The following FXR1 variants were observed in gnomAD, a reference collection of about 807,000 sequenced individuals.
FXR1 encodes FMR1 autosomal homolog 1.
In FXR1, 15 loss-of-function variants were observed where a neutral mutation model predicts 84.0. The ratio of observed to expected loss-of-function variants is 0.18; its 90% confidence interval spans 0.12 to 0.27. FXR1 has a LOEUF of 0.27. FXR1 is among the 10% of genes least tolerant of loss of function. The probability of loss-of-function intolerance (pLI) is 1.00; values close to 1 mark genes in which losing one functional copy is unlikely to be tolerated. For synonymous variants in FXR1, 245 were observed against 250.7 expected (o/e 0.98, Z 0.21); for missense variants, 480 against 774.4 (o/e 0.62, Z 4.51).
chr3:180,914,702 TA>T, intron 1 of FXR1: 1 of 791,666 alleles, frequency 1.3e-6, no homozygotes, highest in Non-Finnish European at 1.5e-6. Flanking sequence ...GAAGTATTTA[TA>T]ATTGATCTCT....
At chr3:180,953,896 A>G in intron 9 of FXR1, 56 bp downstream of exon 9, 1 of 883,630 alleles carries the variant, frequency 1.1e-6, no homozygotes, top group Admixed American at 2.0e-5. Context: ...AGTTACATAT[A>G]GCGACTTAAT....
At chr3:180,939,406 C>A (rs1469875155) in intron 3 of FXR1, among the ~76,000 whole-genome samples, 1 of 152,056 alleles carries the variant, frequency 6.6e-6, no homozygotes, top group Non-Finnish European at 1.5e-5. Flanking sequence ...ATTCTTCAAT[C>A]ATACTTAGAG....
At chr3:180,951,153 A>ATT (rs1722198368) in intron 7 of FXR1, 145 bp from the exon 8 acceptor site, 1 of 578,032 alleles carries the variant, frequency 1.7e-6, no homozygotes, top group Non-Finnish European at 3.1e-6. Context: ...AGCCCAGGAG[A>ATT]TTGAGTTGGC....
At position 180,980,421 on chromosome 3, in the gene FXR1, C is replaced by T. The variant is rs1714554975; in HGVS notation, c.*4129C>T. 6.6e-6 allele frequency: 1 copy of T among 151,816 alleles called. No individual in the cohort carries two copies. The highest frequency in any genetic ancestry group is 1.5e-5 in the Non-Finnish European group (1 of 67,874). The allele number at this position is 151,816 out of a possible 1,614,324, so 9.4% of individuals were successfully genotyped here. A position where few individuals can be genotyped will look rare whatever the true frequency, so the allele number is the denominator to read the frequency against. On this transcript the variant is annotated 3_prime_UTR_variant, in exon 17 of 17. Transcript: ENST00000357559. Reference sequence around the variant, plus strand: ...GAAAGTTTTTTTACCCCTTTGTACCCTCTTAATTGGATTAACTGTAAAATG... The same window carrying T: ...GAAAGTTTTTTTACCCCTTTGTACCTTCTTAATTGGATTAACTGTAAAATG...
intron 1 of FXR1, chr3:180,927,594 CA>C: frequency 1.7e-6 from 1 of 592,606 alleles, no homozygotes; most frequent in Admixed American, 3.3e-5. Context: ...TCTGTAATTT[CA>C]AAAATATATT....
intron 8 of FXR1, among the ~76,000 whole-genome samples, chr3:180,953,505 G>A (rs1722434674): frequency 6.6e-6 from 1 of 152,122 alleles, no homozygotes; most frequent in Non-Finnish European, 1.5e-5. Context: ...AAATTTCTCA[G>A]CAGCTTAAAG....
chr3:180,967,776 ATTC>A (rs1713024413), intron 13 of FXR1, among the ~76,000 whole-genome samples: 1 of 151,990 alleles, frequency 6.6e-6, no homozygotes, highest in African/African-American at 2.4e-5. Flanking sequence ...GCAGTGAGGG[ATTC>A]TTCTGCTGGT....
At chr3:180,948,907 T>C in intron 6 of FXR1, 93 bp downstream of exon 6, 1 of 728,760 alleles carries the variant, frequency 1.4e-6, no homozygotes, top group East Asian at 2.5e-5. Flanking sequence ...TAAGATCAAC[T>C]TAGTGTATAG....
intron 3 of FXR1, among the ~76,000 whole-genome samples, chr3:180,941,255 A>G (rs777582950): frequency 6.6e-6 from 1 of 151,684 alleles, no homozygotes; most frequent in Non-Finnish European, 1.5e-5. Flanking sequence ...CAATGGTGCC[A>G]TCATGGCTCA....
intron 15 of FXR1, among the ~76,000 whole-genome samples, chr3:180,973,795 T>C (rs1713881716): frequency 6.6e-6 from 1 of 152,160 alleles, no homozygotes; most frequent in Admixed American, 6.5e-5. Flanking sequence ...TTTTAAAAGA[T>C]TTACATAATA....
chr3:180,928,429 T>C (rs1719488892), intron 1 of FXR1, among the ~76,000 whole-genome samples: 1 of 148,968 alleles, frequency 6.7e-6, no homozygotes, highest in African/African-American at 2.5e-5. Flanking sequence ...CTTATTTTAT[T>C]AGGTCCCCCC....
chr3:180,963,315 C>A (rs568484203), intron 13 of FXR1, among the ~76,000 whole-genome samples: 165 of 152,034 alleles, frequency 1.1e-3, no homozygotes, highest in African/African-American at 3.7e-3. Flanking sequence ...TGAAGCAAAG[C>A]ATGTTTTTAA....
chr3:180,919,119 C>T (rs942189729), intron 1 of FXR1, among the ~76,000 whole-genome samples: 1 of 152,186 alleles, frequency 6.6e-6, no homozygotes, highest in Middle Eastern at 3.4e-3. Flanking sequence ...TGAGCTATGC[C>T]TTTGCTTTAG....
intron 1 of FXR1, 114 bp from the exon 2 acceptor site, chr3:180,933,220 A>AT (rs1365291516): frequency 1.8e-5 from 12 of 657,226 alleles, no homozygotes; most frequent in African/African-American, 1.7e-4. Context: ...CATCTGCCTA[A>AT]TTCCAAACCT....
chr3:180,917,947 CAAAAAAAAA>C (rs757826092), intron 1 of FXR1, among the ~76,000 whole-genome samples: 1 of 61,000 alleles, frequency 1.6e-5, no homozygotes, highest in East Asian at 5.9e-4. Context: ...ACTCTGTCTC[CAAAAAAAAA>C]AAAAAAAAAA....
intron 1 of FXR1, among the ~76,000 whole-genome samples, chr3:180,926,887 T>C (rs1719293975): frequency 6.6e-6 from 1 of 152,042 alleles, no homozygotes; most frequent in South Asian, 2.1e-4. Context: ...CAAAGGAATT[T>C]TTCTAGACTA....
intron 2 of FXR1, among the ~76,000 whole-genome samples, chr3:180,934,386 T>C (rs142090424): frequency 2.0e-4 from 30 of 152,326 alleles, no homozygotes; most frequent in Non-Finnish European, 3.1e-4. Context: ...TTCCCAGACA[T>C]ATAAATGACC....
rs989778240 is a variant in FXR1 at position 180,982,024 on chromosome 3, T to C, written c.*5732T>C. On this transcript the variant is annotated 3_prime_UTR_variant, in exon 17 of 17. Coordinates refer to ENST00000357559, the MANE Select transcript of FXR1 (RefSeq NM_005087.4). Reference sequence around the variant, plus strand: ...GTACTAGACTCACATCTCAGTACTATCAAGGAAAACATGCTTAGGTTATCA... The same window carrying C: ...GTACTAGACTCACATCTCAGTACTACCAAGGAAAACATGCTTAGGTTATCA... 2.6e-5 allele frequency: 4 copies of C among 152,052 alleles called. No individual in the cohort carries two copies. Among genetic ancestry groups the C allele is most frequent in the African/African-American group, 9.7e-5 (4 of 41,428 alleles). The allele number at this position is 152,052 out of a possible 1,614,324, so 9.4% of individuals were successfully genotyped here.
At chr3:180,965,649 C>G (rs1003698696) in intron 13 of FXR1, among the ~76,000 whole-genome samples, 1 of 152,166 alleles carries the variant, frequency 6.6e-6, no homozygotes, top group African/African-American at 2.4e-5. Context: ...TTTGGACCCA[C>G]CTGGATAATC....
Sources: gnomAD v4.1 joint callset for allele counts (sites outside exome capture counted in the v4.1 genomes callset) on GRCh38, gnomAD v4.1.1 for gene constraint, MANE v1.5 for transcripts, NCBI Gene and HGNC (gene_info 2026-07-23, HGNC 2026-07-21) for gene names.